LINGO2: variants seen among roughly 807,000 people sequenced by gnomAD.
LINGO2 encodes the protein leucine-rich repeat and immunoglobulin-like domain-containing nogo receptor-interacting protein 2.
In LINGO2, 14 loss-of-function variants were observed where a neutral mutation model predicts 30.6. That is an observed-to-expected ratio of 0.46 (90% CI 0.30 to 0.72). LINGO2 has a LOEUF of 0.72. Ranked by LOEUF, LINGO2 falls within the 30% of genes least tolerant of loss-of-function variation. LINGO2 has a pLI of 0.07. For missense variants in LINGO2, 729 were observed against 751.7 expected (o/e 0.97, Z 0.35); for synonymous variants, 317 against 288.5 (o/e 1.10, Z -1.00).
At chr9:28,508,172 C>G (rs1054748322) in intron 1 of LINGO2, among the ~76,000 whole-genome samples, 13 of 151,938 alleles carry the variant, frequency 8.6e-5, no homozygotes, top group Admixed American at 7.9e-4. Flanking sequence ...CACATATTTC[C>G]CTACCTGTTA....
At chr9:28,373,826 G>T (rs936844982) in intron 2 of LINGO2, among the ~76,000 whole-genome samples, 5 of 151,408 alleles carry the variant, frequency 3.3e-5, no homozygotes, top group Admixed American at 1.3e-4. Context: ...CTTGAACTTG[G>T]CAGGCAGAGG....
chr9:29,123,342 C>T, the LINGO2 span, among the ~76,000 whole-genome samples: 1 of 151,816 alleles, frequency 6.6e-6, no homozygotes, highest in East Asian at 1.9e-4. Context: ...AACATAGGAA[C>T]ATGTATAGAC....
At chr9:28,079,385 C>A (rs1357152606) in intron 4 of LINGO2, among the ~76,000 whole-genome samples, 1 of 152,172 alleles carries the variant, frequency 6.6e-6, no homozygotes, top group Non-Finnish European at 1.5e-5. Context: ...GTTAACCAGT[C>A]TGAAGGCACT....
chr9:28,681,899 A>G, the LINGO2 span, among the ~76,000 whole-genome samples: 2 of 152,164 alleles, frequency 1.3e-5, no homozygotes, highest in African/African-American at 4.8e-5. Context: ...TCAACCAACT[A>G]TAAAATAATT....
At chr9:28,768,779 T>C in the LINGO2 span, among the ~76,000 whole-genome samples, 1 of 152,142 alleles carries the variant, frequency 6.6e-6, no homozygotes, top group Non-Finnish European at 1.5e-5. Flanking sequence ...ACTTCTTGAT[T>C]ACATCTCTAT....
At chr9:28,202,680 T>C (rs1189026249) in intron 4 of LINGO2, among the ~76,000 whole-genome samples, 1 of 152,166 alleles carries the variant, frequency 6.6e-6, no homozygotes, top group Non-Finnish European at 1.5e-5. Context: ...CATGTGACTT[T>C]GTTAACATAT....
the LINGO2 span, among the ~76,000 whole-genome samples, chr9:29,167,284 T>C: frequency 2.0e-5 from 3 of 152,106 alleles, no homozygotes; most frequent in African/African-American, 7.2e-5. Flanking sequence ...AAGAATCTTT[T>C]ATTACCTCAG....
the LINGO2 span, chr9:27,939,260 C>T: frequency 2.7e-4 from 41 of 152,310 alleles, no homozygotes; most frequent in Non-Finnish European, 5.3e-4. Flanking sequence ...CAATGAACTA[C>T]TCTTCCTACA....
chr9:28,585,164 G>C (rs1197895065), intron 1 of LINGO2, among the ~76,000 whole-genome samples: 1 of 151,942 alleles, frequency 6.6e-6, no homozygotes, highest in Non-Finnish European at 1.5e-5. Context: ...TTTATTATTT[G>C]TATATCCCAG....
At chr9:29,168,048 GTTTAT>G in the LINGO2 span, among the ~76,000 whole-genome samples, 1 of 151,996 alleles carries the variant, frequency 6.6e-6, no homozygotes, top group Non-Finnish European at 1.5e-5. Flanking sequence ...TTGAAGACAT[GTTTAT>G]TTGTCTTTTT....
At chr9:29,182,471 A>G in the LINGO2 span, among the ~76,000 whole-genome samples, 2 of 152,176 alleles carry the variant, frequency 1.3e-5, no homozygotes, top group African/African-American at 4.8e-5. Context: ...CAGGCTGGAA[A>G]AGGTAATTAC....
the LINGO2 span, among the ~76,000 whole-genome samples, chr9:28,887,275 A>AT: frequency 3.0e-4 from 45 of 151,510 alleles, no homozygotes; most frequent in Non-Finnish European, 5.3e-4. Context: ...AATTGAAAGG[A>AT]TTTTTTTTTC....
intron 1 of LINGO2, among the ~76,000 whole-genome samples, chr9:28,669,592 G>A (rs1308007660): frequency 6.6e-6 from 1 of 151,958 alleles, no homozygotes; most frequent in East Asian, 1.9e-4. Flanking sequence ...GTGATGCTTG[G>A]TAAGTGGTCA....
At chr9:29,042,742 T>G in the LINGO2 span, among the ~76,000 whole-genome samples, 1 of 151,966 alleles carries the variant, frequency 6.6e-6, no homozygotes, top group African/African-American at 2.4e-5. Context: ...ATTAACATAT[T>G]TGTTGCCTCA....
intron 1 of LINGO2, among the ~76,000 whole-genome samples, chr9:28,562,457 CAAA>C (rs56998877): frequency 1.2e-3 from 136 of 109,182 alleles, no homozygotes; most frequent in African/African-American, 4.7e-3. Context: ...CATTTACTTT[CAAA>C]AAAAAAAAAA....
intron 2 of LINGO2, among the ~76,000 whole-genome samples, chr9:28,449,032 CGTGTGTGTGTGTGT>C (rs140779747): frequency 9.4e-5 from 13 of 137,994 alleles, no homozygotes; most frequent in South Asian, 2.5e-4. Flanking sequence ...TATTCACATT[CGTGTGTGTGTGTGT>C]GTGTGTGTGT....
the LINGO2 span, among the ~76,000 whole-genome samples, chr9:28,793,868 T>G: frequency 6.6e-6 from 1 of 152,198 alleles, no homozygotes; most frequent in Non-Finnish European, 1.5e-5. Flanking sequence ...ACATGCATAT[T>G]AAAGTTTAAG....
chr9:29,018,041 G>T, the LINGO2 span, among the ~76,000 whole-genome samples: 101,527 of 145,444 alleles, frequency 0.7, 36,182 homozygotes, highest in Non-Finnish European at 0.76. Context: ...TATATAGAGA[G>T]AGAGAGATCT....
chr9:28,657,817 C>T (rs908458167), intron 1 of LINGO2, among the ~76,000 whole-genome samples: 7 of 151,526 alleles, frequency 4.6e-5, no homozygotes, highest in Non-Finnish European at 8.8e-5. Flanking sequence ...TCTTCTTTTT[C>T]TAGTTCCTTG....
Sources: gnomAD v4.1 joint callset for allele counts (sites outside exome capture counted in the v4.1 genomes callset) on GRCh38, gnomAD v4.1.1 for gene constraint, MANE v1.5 for transcripts, NCBI Gene and HGNC (gene_info 2026-07-23, HGNC 2026-07-21) for gene names.